RICTOR: variants seen among roughly 807,000 people sequenced by gnomAD.
The protein encoded by RICTOR is rapamycin-insensitive companion of mTOR.
Under a neutral mutation model 214.9 loss-of-function variants are expected in RICTOR, and 49 were observed. The observed-to-expected ratio is 0.23, with a 90% CI of 0.18 to 0.29. The LOEUF is 0.29. RICTOR is among the 10% of genes least tolerant of loss of function. RICTOR has a pLI of 1.00. For synonymous variants in RICTOR, 717 were observed against 711.3 expected (o/e 1.01, Z -0.13); for missense variants, 1,625 against 2,047.0 (o/e 0.79, Z 3.98).
intron 5 of RICTOR, among the ~76,000 whole-genome samples, chr5:38,999,027 C>CAAAAAAAA (rs1186312478): frequency 3.4e-3 from 85 of 25,204 alleles, no homozygotes; most frequent in Middle Eastern, 0.042. Context: ...AACAAACAGG[C>CAAAAAAAA]AAAAAAAAAA....
At chr5:38,980,675 G>A (rs752369462) in intron 8 of RICTOR, among the ~76,000 whole-genome samples, 3 of 151,998 alleles carry the variant, frequency 2.0e-5, no homozygotes, top group Admixed American at 1.3e-4. Context: ...GCAAAGCCCC[G>A]TCTCTACAAA....
chr5:38,999,290 A>AG (rs1196859717), intron 5 of RICTOR, among the ~76,000 whole-genome samples: 5 of 151,976 alleles, frequency 3.3e-5, no homozygotes, highest in Non-Finnish European at 4.4e-5. Context: ...TATACAACAG[A>AG]GAAAAAAAAA....
At chr5:38,975,296 G>T (rs1351672800) in intron 10 of RICTOR, among the ~76,000 whole-genome samples, 1 of 152,026 alleles carries the variant, frequency 6.6e-6, no homozygotes, top group Non-Finnish European at 1.5e-5. Flanking sequence ...CATTAGCACA[G>T]TGACTGGCAA....
chr5:39,013,636 A>C (rs1246419957), intron 3 of RICTOR, among the ~76,000 whole-genome samples: 2 of 152,116 alleles, frequency 1.3e-5, no homozygotes, highest in Non-Finnish European at 2.9e-5. Context: ...CAACAACCCT[A>C]ATTTTAAAAA....
At chr5:39,049,736 C>G (rs1219961847) in intron 2 of RICTOR, among the ~76,000 whole-genome samples, 1 of 151,290 alleles carries the variant, frequency 6.6e-6, no homozygotes, top group Admixed American at 6.6e-5. Flanking sequence ...ATAAAAATAT[C>G]ATAACTGAAA....
intron 21 of RICTOR, 23 bp from the exon 22 acceptor site, chr5:38,959,344 A>C: frequency 7.4e-7 from 1 of 1,359,806 alleles, no homozygotes; most frequent in South Asian, 1.4e-5. Flanking sequence ...AAAAAATAAG[A>C]ATGGTTAAAA....
intron 2 of RICTOR, among the ~76,000 whole-genome samples, chr5:39,026,762 C>T (rs1755855148): frequency 6.6e-6 from 1 of 151,842 alleles, no homozygotes; most frequent in African/African-American, 2.4e-5. Context: ...AATCCTAGCA[C>T]TTTGGGAGGC....
chr5:38,990,904 C>A, intron 7 of RICTOR, 45 bp downstream of exon 7: 1 of 1,301,120 alleles, frequency 7.7e-7, no homozygotes, highest in South Asian at 1.3e-5. Context: ...TGTTATATAT[C>A]CTTTCTAAAA....
At chr5:39,028,217 C>T (rs1458732616) in intron 2 of RICTOR, among the ~76,000 whole-genome samples, 2 of 120,496 alleles carry the variant, frequency 1.7e-5, no homozygotes, top group African/African-American at 6.2e-5. Context: ...GAGTCTCGCT[C>T]TGTCGCCCAG....
chr5:38,944,900 T>A lies in RICTOR; in HGVS notation c.4789+13A>T. 1 of 1,611,774 alleles carries A rather than the reference T, an allele frequency of 6.2e-7. No individual in the cohort carries two copies. Among genetic ancestry groups the A allele is most frequent in the Non-Finnish European group, 8.5e-7 (1 of 1,178,084 alleles). ...TTTACTAATAATGATTGGATTTGAA[T>A]CTGAAGACTCACCTAGTAACAATTC... On this transcript the variant is annotated intron_variant, in intron 35 of 37. Transcript: ENST00000357387.
rs955431917 is a variant in RICTOR at position 38,966,710 on chromosome 5, T to C, written c.1230A>G (p.Glu410=). The change falls in exon 15 of 38, where the codon GAA becomes GAG. Residue 410 remains glutamate, a synonymous_variant. Transcript: ENST00000357387. The part of the protein sequence containing the change: ...IRNGLLEGLV[E]VITNSDDHIS... Reference sequence around the variant, plus strand: ...TATGATCATCACTGTTTGTTATCACTTCAACTAGACCCTTTGAAAATAAAA... The same window carrying C: ...TATGATCATCACTGTTTGTTATCACCTCAACTAGACCCTTTGAAAATAAAA... 1 of 1,565,850 alleles carries C rather than the reference T, an allele frequency of 6.4e-7. No individual in the cohort carries two copies. The highest frequency in any genetic ancestry group is 2.2e-5 in the East Asian group (1 of 44,502).
chr5:38,981,221 C>G (rs1448243562), intron 8 of RICTOR: 1 of 152,068 alleles, frequency 6.6e-6, no homozygotes, highest in Non-Finnish European at 1.5e-5. Context: ...CAAACAAATC[C>G]TTGATTTAAG....
At chr5:39,000,134 G>A (rs1239254) in intron 5 of RICTOR, among the ~76,000 whole-genome samples, 6,853 of 151,828 alleles carry the variant, frequency 0.045, 285 homozygotes, top group African/African-American at 0.1. Context: ...GAAAAGTCAG[G>A]AAGCATTATA....
At chr5:39,022,883 A>T (rs1212515806) in intron 2 of RICTOR, among the ~76,000 whole-genome samples, 1 of 152,216 alleles carries the variant, frequency 6.6e-6, no homozygotes, top group East Asian at 1.9e-4. Context: ...CTCATAAGAG[A>T]GAGAAAGTAC....
intron 2 of RICTOR, among the ~76,000 whole-genome samples, chr5:39,066,451 T>A (rs1758912338): frequency 6.6e-6 from 1 of 152,222 alleles, no homozygotes; most frequent in African/African-American, 2.4e-5. Flanking sequence ...AGGCCTTTTC[T>A]CCAACTTCAC....
At chr5:38,982,163 G>T in intron 7 of RICTOR, 127 bp from the exon 8 acceptor site, 2 of 629,614 alleles carry the variant, frequency 3.2e-6, no homozygotes, top group Non-Finnish European at 2.8e-6. Flanking sequence ...TATAAGAACA[G>T]GTAGATAAAA....
At chr5:38,988,330 T>A (rs936060838) in intron 7 of RICTOR, among the ~76,000 whole-genome samples, 2 of 152,136 alleles carry the variant, frequency 1.3e-5, no homozygotes, top group Admixed American at 6.6e-5. Flanking sequence ...GGAGTCTAAG[T>A]CTCTTTGTAG....
chr5:38,943,156 G>GA, intron 36 of RICTOR, 185 bp from the exon 37 acceptor site: 1 of 364,622 alleles, frequency 2.7e-6, no homozygotes, highest in South Asian at 6.4e-5. Flanking sequence ...TTCTGAGTTT[G>GA]GGTTTTTTTT....
chr5:38,942,288 C>T lies in RICTOR; in HGVS notation c.*16G>A. The T allele has an allele frequency of 1.3e-6, 2 of 1,490,386 alleles. No homozygotes were observed. The highest frequency in any genetic ancestry group is 1.9e-6 in the Non-Finnish European group (2 of 1,074,260). 92.3% of individuals were successfully genotyped at this position (1,490,386 alleles called of 1,614,324 possible). On this transcript the variant is annotated 3_prime_UTR_variant, in exon 38 of 38. Coordinates refer to ENST00000357387, the MANE Select transcript of RICTOR (RefSeq NM_152756.5). ...AATATATATAGTATGTATCTATATCCATCATAAATATGAGGTCAGGATTCA... is the reference window on the plus strand; with the variant it reads ...AATATATATAGTATGTATCTATATCTATCATAAATATGAGGTCAGGATTCA...
Sources: gnomAD v4.1 joint callset for allele counts (sites outside exome capture counted in the v4.1 genomes callset) on GRCh38, gnomAD v4.1.1 for gene constraint, MANE v1.5 for transcripts, NCBI Gene and HGNC (gene_info 2026-07-23, HGNC 2026-07-21) for gene names.